SIPA1L3: variants seen among roughly 807,000 people sequenced by gnomAD.
The protein encoded by SIPA1L3 is signal induced proliferation associated 1 like 3.
A neutral mutation model predicts 150.1 loss-of-function variants in SIPA1L3; 59 were observed. That is an observed-to-expected ratio of 0.39 (90% CI 0.32 to 0.49). The LOEUF is 0.49. Ranked by LOEUF, SIPA1L3 falls within the 20% of genes least tolerant of loss-of-function variation. The pLI, the probability that SIPA1L3 is intolerant of heterozygous loss-of-function variation, is 0.86. For missense variants in SIPA1L3, 2,211 were observed against 2,489.5 expected (o/e 0.89, Z 2.38); for synonymous variants, 1,070 against 1,077.6 (o/e 0.99, Z 0.14).
chr19:38,031,538 C>T (rs1238151860), intron 2 of SIPA1L3, among the ~76,000 whole-genome samples: 1 of 152,118 alleles, frequency 6.6e-6, no homozygotes, highest in East Asian at 1.9e-4. Flanking sequence ...TGAGGTTATT[C>T]ATTATTTGGA....
chr19:38,180,029 T>C (rs1972522770), intron 15 of SIPA1L3, among the ~76,000 whole-genome samples: 4 of 152,144 alleles, frequency 2.6e-5, no homozygotes, highest in Admixed American at 2.6e-4. Context: ...TTAGTAGAGA[T>C]GGGGTTTCAC....
chr19:38,099,601 C>T (rs1042446423), intron 4 of SIPA1L3, among the ~76,000 whole-genome samples: 6 of 152,108 alleles, frequency 3.9e-5, no homozygotes, highest in Admixed American at 2.6e-4. Flanking sequence ...TTCATTGCAC[C>T]TAGAGTAGGA....
intron 10 of SIPA1L3, among the ~76,000 whole-genome samples, chr19:38,137,859 G>A (rs967351459): frequency 6.6e-6 from 1 of 152,026 alleles, no homozygotes; most frequent in African/African-American, 2.4e-5. Flanking sequence ...GGCCAGGCAT[G>A]GTGGCTCATG....
intron 10 of SIPA1L3, among the ~76,000 whole-genome samples, chr19:38,138,146 AT>A (rs1971479595): frequency 6.6e-6 from 1 of 151,958 alleles, no homozygotes; most frequent in Admixed American, 6.6e-5. Flanking sequence ...AAAAAAAAAA[AT>A]AATAAAGTAA....
chr19:37,974,983 C>A (rs1967040924), intron 1 of SIPA1L3, among the ~76,000 whole-genome samples: 1 of 152,184 alleles, frequency 6.6e-6, no homozygotes, highest in African/African-American at 2.4e-5. Flanking sequence ...CAAGACCATC[C>A]TGGCTAACAT....
chr19:37,975,102 A>G lies in SIPA1L3; in HGVS notation c.-378-53987A>G, dbSNP rs552531677. On this transcript the variant is annotated intron_variant, in intron 1 of 21. Coordinates refer to ENST00000222345, the MANE Select transcript of SIPA1L3 (RefSeq NM_015073.3). ...CAGATCTGGGCTGCTGGACACAGGA[A>G]CATCGTTAAGCAAATCCCGGCCGTC... is the stretch of plus-strand genomic sequence containing the variant. 1.8e-3 allele frequency among the ~76,000 whole-genome samples: 278 copies of G among 152,322 alleles called. 1 individual carries two copies. Among genetic ancestry groups the G allele is most frequent in the Middle Eastern group, 3.4e-3 (1 of 294 alleles).
intron 16 of SIPA1L3, among the ~76,000 whole-genome samples, chr19:38,183,219 G>A (rs886660121): frequency 2.6e-5 from 4 of 152,158 alleles, no homozygotes; most frequent in Non-Finnish European, 5.9e-5. Context: ...ATGGAGCCAC[G>A]GGAGGGCATG....
intron 1 of SIPA1L3, among the ~76,000 whole-genome samples, chr19:37,953,019 C>T (rs556489595): frequency 4.6e-5 from 7 of 152,154 alleles, no homozygotes; most frequent in East Asian, 1.9e-4. Context: ...ATTACAAGGT[C>T]GGGAGATCCT....
intron 1 of SIPA1L3, among the ~76,000 whole-genome samples, chr19:38,015,327 A>G (rs1330221470): frequency 6.6e-6 from 1 of 152,198 alleles, no homozygotes; most frequent in Non-Finnish European, 1.5e-5. Context: ...CTGATGACGA[A>G]GCAATGATAG....
intron 1 of SIPA1L3, among the ~76,000 whole-genome samples, chr19:37,990,834 TC>T (rs1367019273): frequency 1.3e-5 from 2 of 152,206 alleles, no homozygotes; most frequent in Admixed American, 1.3e-4. Context: ...TGCTTTTTAA[TC>T]CCCATGATGA....
chr19:38,010,982 C>T (rs7248658), intron 1 of SIPA1L3, among the ~76,000 whole-genome samples: 8,371 of 152,292 alleles, frequency 0.055, 802 homozygotes, highest in African/African-American at 0.19. Flanking sequence ...TCTCTCCTTA[C>T]ACAGTTTGTT....
rs916382026 is a variant in SIPA1L3, at chr19:38,046,221, T to C, written c.-311+17065T>C. Among the ~76,000 whole-genome samples, 2 of 152,144 alleles carry C rather than the reference T, an allele frequency of 1.3e-5. No homozygotes were observed. The highest frequency in any genetic ancestry group is 2.9e-5 in the Non-Finnish European group (2 of 68,018). On this transcript the variant is annotated intron_variant, in intron 2 of 21. Transcript: ENST00000222345. This position sits in a 1 kb window ranked among gnomAD's most constrained non-coding sequence, Gnocchi z 5.6. ...AGCAGCTTGCTGGTCCATCCCAGGC[T>C]GCTGGGAGGCCCGAGAAACAGGTCA...
intron 10 of SIPA1L3, among the ~76,000 whole-genome samples, chr19:38,138,910 A>AAAAAAAACAAAAACAAAAAC (rs1343348254): frequency 8.9e-6 from 1 of 112,786 alleles, no homozygotes; most frequent in African/African-American, 3.8e-5. Context: ...AAAAAAAAAA[A>AAAAAAAACAAAAACAAAAAC]AAAAACTGAG....
intron 7 of SIPA1L3, 27 bp downstream of exon 7, chr19:38,106,667 C>CAGCCAACA: frequency 6.6e-7 from 1 of 1,522,384 alleles, no homozygotes; most frequent in Non-Finnish European, 9.1e-7. Context: ...AGAGGCACGG[C>CAGCCAACA]TGCCGGATGT....
At chr19:38,090,342 A>AAG (rs1423662535) in intron 4 of SIPA1L3, among the ~76,000 whole-genome samples, 3 of 151,880 alleles carry the variant, frequency 2.0e-5, no homozygotes, top group Admixed American at 1.3e-4. Flanking sequence ...AAAAAAAAAA[A>AAG]AAAAAAGGCT....
intron 1 of SIPA1L3, among the ~76,000 whole-genome samples, chr19:37,921,442 G>A (rs931138086): frequency 1.3e-5 from 2 of 152,150 alleles, no homozygotes; most frequent in Admixed American, 1.3e-4. Context: ...TGCTGGCGCC[G>A]TTTGTTGCAT....
chr19:38,008,825 G>C (rs1216257293), intron 1 of SIPA1L3, among the ~76,000 whole-genome samples: 1 of 151,928 alleles, frequency 6.6e-6, no homozygotes, highest in African/African-American at 2.4e-5. Context: ...CTCTCAAAGT[G>C]CTGAGATTAC....
chr19:38,121,106 C>A (rs1971006833), intron 9 of SIPA1L3, among the ~76,000 whole-genome samples: 1 of 151,980 alleles, frequency 6.6e-6, no homozygotes, highest in African/African-American at 2.4e-5. Flanking sequence ...CTTTGGGAGG[C>A]CGAGGAGAAA....
At position 38,022,657 on chromosome 19, in the gene SIPA1L3, G is replaced by A. The variant is rs1054286059; in HGVS notation, c.-378-6432G>A. Among the ~76,000 whole-genome samples the A allele has an allele frequency of 5.8e-5, 8 of 138,816 alleles. No homozygotes were observed. The East Asian group carries it at 1.1e-3, about 19-fold the overall frequency. The allele number at this position is 138,816 out of a possible 152,430, so 91.1% of individuals were successfully genotyped here. ...TGGGAGGCGGAGCCTGCAGTGAGCC[G>A]AGATGGTGCCACTGCACTCCAGCCT... is the stretch of plus-strand genomic sequence containing the variant. On this transcript the variant is annotated intron_variant, in intron 1 of 21. Coordinates refer to ENST00000222345, the MANE Select transcript of SIPA1L3 (RefSeq NM_015073.3).
Sources: allele counts gnomAD v4.1 joint callset (sites outside exome capture counted in the v4.1 genomes callset), GRCh38; gene constraint gnomAD v4.1.1; non-coding constraint Gnocchi (gnomAD v3.1); transcripts MANE v1.5; gene names NCBI Gene and HGNC (gene_info 2026-07-23, HGNC 2026-07-21).